The following PTPRK variants were observed in gnomAD, a reference collection of about 807,000 sequenced individuals.
The protein encoded by PTPRK is receptor-type tyrosine-protein phosphatase kappa.
PTPRK carries 75 observed loss-of-function variants against 178.0 expected under a neutral mutation model. The ratio of observed to expected loss-of-function variants is 0.42; its 90% CI spans 0.35 to 0.51. The LOEUF is 0.51. Among genes scored for constraint, PTPRK ranks in the 20% least tolerant of loss-of-function variants. The probability of loss-of-function intolerance (pLI) is 0.02; values close to 1 mark genes in which losing one functional copy is unlikely to be tolerated. For missense variants in PTPRK, 1,441 were observed against 1,797.8 expected (o/e 0.80, Z 3.59); for synonymous variants, 637 against 620.6 (o/e 1.03, Z -0.39).
At chr6:128,310,738 C>T (rs2128316082) in intron 3 of PTPRK, among the ~76,000 whole-genome samples, 1 of 152,324 alleles carries the variant, frequency 6.6e-6, no homozygotes, top group Non-Finnish European at 1.5e-5. Context: ...CATTTATTAA[C>T]TGGGCTGCAT....
intron 2 of PTPRK, among the ~76,000 whole-genome samples, chr6:128,345,305 C>T (rs1355791850): frequency 1.3e-5 from 2 of 151,942 alleles, no homozygotes; most frequent in Non-Finnish European, 2.9e-5. Flanking sequence ...TAGATACAGG[C>T]AAAAAGATGC....
intron 1 of PTPRK, among the ~76,000 whole-genome samples, chr6:128,417,649 G>A (rs543781759): frequency 2.0e-5 from 3 of 152,230 alleles, no homozygotes; most frequent in East Asian, 1.9e-4. Context: ...AGCCAATAAA[G>A]GTGGGCCTTC....
chr6:128,135,041 C>T (rs966974450), intron 7 of PTPRK, among the ~76,000 whole-genome samples: 2 of 151,148 alleles, frequency 1.3e-5, no homozygotes, highest in Non-Finnish European at 2.9e-5. Context: ...TATCAGCTTT[C>T]ACAATCTTGT....
In PTPRK at chr6:128,209,210, TG is replaced by T. The variant is rs201643615; in HGVS notation, c.868+9711del. 2.5e-3 allele frequency among the ~76,000 whole-genome samples: 374 copies of T among 152,238 alleles called. 16 individuals are homozygous for T. In the East Asian group the frequency reaches 0.053, roughly 21 times the overall value. On this transcript the variant is annotated intron_variant, in intron 6 of 29. Transcript: ENST00000368226. ...TCCTGGTTTTCTGAGACAGATAATA[TG>T]TAAGTAACCTACTTCAAAACTCCTA...
chr6:128,312,715 G>C (rs910476333), intron 3 of PTPRK, among the ~76,000 whole-genome samples: 11 of 151,700 alleles, frequency 7.3e-5, no homozygotes, highest in African/African-American at 2.7e-4. Flanking sequence ...TTGTCTTAGT[G>C]GACTTTATAT....
intron 1 of PTPRK, among the ~76,000 whole-genome samples, chr6:128,502,592 A>C (rs531066832): frequency 4.7e-4 from 71 of 152,290 alleles, no homozygotes; most frequent in Non-Finnish European, 8.2e-4. Flanking sequence ...GGCTGAAACC[A>C]GCCTATACCA....
chr6:128,158,901 A>C (rs539808771), intron 7 of PTPRK, among the ~76,000 whole-genome samples: 1 of 152,032 alleles, frequency 6.6e-6, no homozygotes, highest in East Asian at 1.9e-4. Context: ...TATGTACATG[A>C]AAATGTGATG....
chr6:127,990,642 A>T, intron 21 of PTPRK, 127 bp downstream of exon 21: 1 of 651,422 alleles, frequency 1.5e-6, no homozygotes, highest in Non-Finnish European at 2.7e-6. Context: ...CTCTCAAATA[A>T]ACATTTGTGG....
intron 21 of PTPRK, among the ~76,000 whole-genome samples, chr6:127,990,509 GTATGA>G (rs1382808808): frequency 6.6e-6 from 1 of 152,008 alleles, no homozygotes; most frequent in African/African-American, 2.4e-5. Flanking sequence ...TTGTCATGAT[GTATGA>G]TATATTAGTT....
At chr6:128,158,277 G>A (rs972340476) in intron 7 of PTPRK, among the ~76,000 whole-genome samples, 1 of 151,808 alleles carries the variant, frequency 6.6e-6, no homozygotes, top group African/African-American at 2.4e-5. Flanking sequence ...GGGGCAGGGG[G>A]GAGTGAAGGC....
chr6:128,081,859 C>G (rs912650867), intron 10 of PTPRK, among the ~76,000 whole-genome samples: 1 of 152,018 alleles, frequency 6.6e-6, no homozygotes, highest in African/African-American at 2.4e-5. Flanking sequence ...TAGTCAAATA[C>G]AAACTGTGCA....
chr6:128,145,911 T>A (rs575828212), intron 7 of PTPRK, among the ~76,000 whole-genome samples: 2 of 152,356 alleles, frequency 1.3e-5, no homozygotes, highest in African/African-American at 4.8e-5. Flanking sequence ...TACTTCATGT[T>A]CCCAGGACTC....
intron 7 of PTPRK, among the ~76,000 whole-genome samples, chr6:128,160,257 T>A (rs936614803): frequency 6.6e-6 from 1 of 151,710 alleles, no homozygotes; most frequent in Non-Finnish European, 1.5e-5. Flanking sequence ...AAACTGATTC[T>A]TAGAGGGGAC....
intron 7 of PTPRK, among the ~76,000 whole-genome samples, chr6:128,169,851 C>T (rs1799987272): frequency 6.7e-6 from 1 of 148,624 alleles, no homozygotes; most frequent in Non-Finnish European, 1.5e-5. Context: ...ACAATGGAGA[C>T]AAATAATATA....
At chr6:128,190,564 T>C (rs1002932898) in intron 6 of PTPRK, among the ~76,000 whole-genome samples, 2 of 146,546 alleles carry the variant, frequency 1.4e-5, no homozygotes, top group Admixed American at 1.4e-4. Flanking sequence ...AGTGGTGTGA[T>C]CTTGGCTCAC....
At chr6:128,331,200 T>C (rs991274554) in intron 2 of PTPRK, among the ~76,000 whole-genome samples, 3 of 152,216 alleles carry the variant, frequency 2.0e-5, no homozygotes, top group Admixed American at 6.5e-5. Flanking sequence ...AGTATTCAGT[T>C]TGAAGTTGGA....
intron 1 of PTPRK, among the ~76,000 whole-genome samples, chr6:128,458,023 T>C (rs751658184): frequency 6.6e-6 from 1 of 152,122 alleles, no homozygotes; most frequent in East Asian, 1.9e-4. Flanking sequence ...CTGTCAAATA[T>C]ACAAATAGTA....
At chr6:128,001,589 G>C (rs1293993089) in intron 15 of PTPRK, among the ~76,000 whole-genome samples, 1 of 151,356 alleles carries the variant, frequency 6.6e-6, no homozygotes, top group Non-Finnish European at 1.5e-5. Context: ...TTTTTCACAG[G>C]GAAAATTACT....
intron 2 of PTPRK, among the ~76,000 whole-genome samples, chr6:128,343,617 C>T (rs182556416): frequency 2.6e-4 from 39 of 151,816 alleles, no homozygotes; most frequent in African/African-American, 9.2e-4. Flanking sequence ...AATATGAATG[C>T]ATTTAAATAA....
Sources: gnomAD v4.1 joint callset for allele counts (sites outside exome capture counted in the v4.1 genomes callset) on GRCh38, gnomAD v4.1.1 for gene constraint, MANE v1.5 for transcripts, NCBI Gene and HGNC (gene_info 2026-07-23, HGNC 2026-07-21) for gene names.